LRRK2: variants seen among roughly 807,000 people sequenced by gnomAD.
LRRK2 encodes leucine rich repeat kinase 2, also known as leucine-rich repeat serine/threonine-protein kinase 2.
LRRK2 carries 203 observed loss-of-function variants against 302.6 expected under a neutral mutation model. The observed-to-expected ratio is 0.67, with a 90% confidence interval of 0.60 to 0.75. The LOEUF (loss-of-function observed/expected upper bound fraction) is 0.75, where lower values mean the gene tolerates loss of function less well. LRRK2 is among the 30% of genes least tolerant of loss of function. The pLI is 0.00. For missense variants in LRRK2, 2,830 were observed against 2,951.0 expected (o/e 0.96, Z 0.95); for synonymous variants, 1,066 against 1,031.9 (o/e 1.03, Z -0.63).
chr12:40,354,556 T>C, intron 45 of LRRK2, 64 bp downstream of exon 45: 3 of 1,374,282 alleles, frequency 2.2e-6, no homozygotes, highest in South Asian at 2.4e-5. Flanking sequence ...ATTGTGTGCA[T>C]AATTGTTATT....
intron 5 of LRRK2, among the ~76,000 whole-genome samples, chr12:40,240,241 A>G (rs188166182): frequency 1.3e-5 from 2 of 152,304 alleles, no homozygotes; most frequent in Admixed American, 1.3e-4. Context: ...GCTGACTAGC[A>G]CTTTTACATT....
At chr12:40,263,995 C>T (rs1042734994) in intron 14 of LRRK2, 94 bp downstream of exon 14, 3 of 855,344 alleles carry the variant, frequency 3.5e-6, no homozygotes, top group African/African-American at 3.4e-5. Flanking sequence ...GTTTTCTGTT[C>T]TCCGTTTGCT....
intron 23 of LRRK2, 85 bp from the exon 24 acceptor site, chr12:40,298,158 C>A: frequency 7.2e-7 from 1 of 1,391,528 alleles, no homozygotes; most frequent in Non-Finnish European, 1.0e-6. Context: ...GTTCTAGTTA[C>A]CAGAGGTGTG....
Position 40,257,386 on chromosome 12 carries a change from G to T in LRRK2, c.1418+9G>T, listed in dbSNP as rs1942567187. The T allele has an allele frequency of 6.2e-7, 1 of 1,611,156 alleles. No individual in the cohort carries two copies. Reference sequence around the variant, plus strand: ...CATCTTTTTGAAGGAAGGTAATATAGATTCATTAACTTGTACAGAATATAT... The same window carrying T: ...CATCTTTTTGAAGGAAGGTAATATATATTCATTAACTTGTACAGAATATAT... On this transcript the variant is annotated intron_variant, in intron 12 of 50. Coordinates refer to ENST00000298910, the MANE Select transcript of LRRK2 (RefSeq NM_198578.4).
At chr12:40,241,346 A>G (rs1424505260) in intron 6 of LRRK2, among the ~76,000 whole-genome samples, 1 of 152,224 alleles carries the variant, frequency 6.6e-6, no homozygotes, top group Admixed American at 6.5e-5. Context: ...TAGCATTTTA[A>G]TGAGGCTTTG....
intron 2 of LRRK2, among the ~76,000 whole-genome samples, chr12:40,230,639 T>C (rs1361333329): frequency 6.6e-6 from 1 of 151,864 alleles, no homozygotes; most frequent in Non-Finnish European, 1.5e-5. Flanking sequence ...TTTCCATTAG[T>C]CTCTAGAGGG....
intron 31 of LRRK2, among the ~76,000 whole-genome samples, chr12:40,311,436 T>A (rs917175753): frequency 2.6e-5 from 4 of 152,154 alleles, no homozygotes; most frequent in Non-Finnish European, 5.9e-5. Context: ...ATACCCTTGA[T>A]AGTTCCATAT....
intron 23 of LRRK2, 134 bp from the exon 24 acceptor site, chr12:40,298,109 T>C: frequency 1.2e-6 from 1 of 841,384 alleles, no homozygotes; most frequent in African/African-American, 1.7e-5. Context: ...TGAAATTCTG[T>C]TGTGGATTGT....
intron 27 of LRRK2, chr12:40,304,590 G>A (rs1944748688): frequency 6.3e-6 from 1 of 159,522 alleles, no homozygotes; most frequent in Non-Finnish European, 1.4e-5. Context: ...ATTCTTAACT[G>A]TTACTTAACT....
chr12:40,336,769 G>A (rs983287075), intron 40 of LRRK2, among the ~76,000 whole-genome samples: 1 of 152,156 alleles, frequency 6.6e-6, no homozygotes, highest in Non-Finnish European at 1.5e-5. Context: ...ACACCAGGGG[G>A]AATCTTGGGT....
At chr12:40,239,351 C>T (rs1347297621) in intron 5 of LRRK2, among the ~76,000 whole-genome samples, 1 of 152,094 alleles carries the variant, frequency 6.6e-6, no homozygotes, top group Admixed American at 6.6e-5. Flanking sequence ...AATGTTCTAT[C>T]TTGCAACTAA....
chr12:40,331,246 G>A (rs567881998), intron 39 of LRRK2, among the ~76,000 whole-genome samples: 1 of 152,250 alleles, frequency 6.6e-6, no homozygotes, highest in African/African-American at 2.4e-5. Flanking sequence ...CATTCATGTA[G>A]GTTTGCTTGT....
intron 20 of LRRK2, 128 bp from the exon 21 acceptor site, chr12:40,293,417 A>G: frequency 3.1e-6 from 2 of 634,982 alleles, no homozygotes; most frequent in South Asian, 1.7e-5. Context: ...TACAAAGGGA[A>G]TGGACTGTGA....
chr12:40,258,713 T>C (rs1942633109), intron 12 of LRRK2, among the ~76,000 whole-genome samples: 2 of 151,976 alleles, frequency 1.3e-5, no homozygotes, highest in African/African-American at 4.8e-5. Context: ...AAGAGTAGAG[T>C]GGACTCAGCT....
At chr12:40,361,674 A>T (rs2404836) in intron 47 of LRRK2, among the ~76,000 whole-genome samples, 116,796 of 152,040 alleles carry the variant, frequency 0.77, 45,717 homozygotes, top group Non-Finnish European at 0.86. Context: ...GAGAGCATCC[A>T]TAAAGATCAA....
chr12:40,248,657 G>T (rs1942117738), intron 7 of LRRK2, among the ~76,000 whole-genome samples: 1 of 152,076 alleles, frequency 6.6e-6, no homozygotes, highest in Non-Finnish European at 1.5e-5. Context: ...ATCTAATTAT[G>T]GGCTTAATGC....
chr12:40,257,456 A>C, intron 12 of LRRK2, 79 bp downstream of exon 12: 2 of 1,526,122 alleles, frequency 1.3e-6, no homozygotes, highest in Admixed American at 3.5e-5. Context: ...CATATTTCTA[A>C]CAATGAAAAG....
chr12:40,228,142 T>A (rs1940989663), intron 2 of LRRK2, among the ~76,000 whole-genome samples: 1 of 152,204 alleles, frequency 6.6e-6, no homozygotes, highest in Non-Finnish European at 1.5e-5. Context: ...TCTTTTTAGT[T>A]TTTTAAGATA....
chr12:40,343,892 A>C (rs1263825135), intron 41 of LRRK2, among the ~76,000 whole-genome samples: 1 of 152,224 alleles, frequency 6.6e-6, no homozygotes, highest in Non-Finnish European at 1.5e-5. Context: ...AATTTAAAGA[A>C]GCTTTTAGAA....
Sources: gnomAD v4.1 joint callset for allele counts (sites outside exome capture counted in the v4.1 genomes callset) on GRCh38, gnomAD v4.1.1 for gene constraint, MANE v1.5 for transcripts, NCBI Gene and HGNC (gene_info 2026-07-23, HGNC 2026-07-21) for gene names.